Variants in SMYD4 observed in about 807,000 individuals in gnomAD.
SMYD4 encodes the protein protein-lysine N-methyltransferase SMYD4.
In SMYD4, 68 loss-of-function variants were observed where a neutral mutation model predicts 72.8. That is an observed-to-expected ratio of 0.93 (90% CI 0.77 to 1.14). The LOEUF (loss-of-function observed/expected upper bound fraction) is 1.14. Among genes scored for constraint, SMYD4 ranks in the 50% most tolerant of loss-of-function variants. The pLI, the probability that SMYD4 is intolerant of heterozygous loss-of-function variation, is 0.00. For synonymous variants in SMYD4, 407 were observed against 388.6 expected, an observed-to-expected ratio of 1.05 and a Z score of -0.56; for missense variants, 984 against 1,003.7, an observed-to-expected ratio of 0.98 and a Z score of 0.27.
At chr17:1,798,408 T>C (rs1241284531) in intron 5 of SMYD4, among the ~76,000 whole-genome samples, 1 of 152,140 alleles carries the variant, frequency 6.6e-6, no homozygotes, top group African/African-American at 2.4e-5. Context: ...AGGCCTTTTG[T>C]GTATGTACCT....
intron 4 of SMYD4, among the ~76,000 whole-genome samples, chr17:1,803,799 C>T (rs941746201): frequency 7.3e-5 from 11 of 151,530 alleles, no homozygotes; most frequent in Non-Finnish European, 1.5e-4. Context: ...ATGCCTGGCC[C>T]CATAGCTCTT....
chr17:1,811,346 T>C (rs940730605), intron 3 of SMYD4, among the ~76,000 whole-genome samples: 1 of 152,028 alleles, frequency 6.6e-6, no homozygotes, highest in African/African-American at 2.4e-5. Flanking sequence ...CAGGCTAATT[T>C]AAAAAAAATT....
At chr17:1,797,156 T>C (rs374444601) in intron 5 of SMYD4, among the ~76,000 whole-genome samples, 2 of 152,172 alleles carry the variant, frequency 1.3e-5, no homozygotes, top group East Asian at 1.9e-4. Context: ...GGCTGACAAA[T>C]TCTAGATGAC....
Position 1,829,820 on chromosome 17 carries a change from G to C in SMYD4, c.-107C>G, listed in dbSNP as rs1671133191. On this transcript the variant is annotated 5_prime_UTR_variant, in exon 1 of 11. Coordinates refer to ENST00000305513, the MANE Select transcript of SMYD4 (RefSeq NM_052928.3). ...TGGTCTCCCTCCCAGCGCCCGCGCA[G>C]CTCCTGGCGCGCCCCTTGGCGCCCC... 7.5e-6 allele frequency: 2 copies of C among 268,320 alleles called. No individual in the cohort carries two copies. The highest frequency in any genetic ancestry group is 1.7e-4 in the South Asian group (1 of 5,874). The allele number at this position is 268,320 out of a possible 1,614,324, so 16.6% of individuals were successfully genotyped here.
intron 2 of SMYD4, among the ~76,000 whole-genome samples, chr17:1,820,094 CA>C (rs1910817293): frequency 1.3e-5 from 2 of 151,964 alleles, no homozygotes; most frequent in Non-Finnish European, 2.9e-5. Flanking sequence ...GGCCAAAAGT[CA>C]ATTAAGAAAG....
intron 3 of SMYD4, among the ~76,000 whole-genome samples, chr17:1,807,945 C>T (rs1256671740): frequency 2.6e-5 from 4 of 152,112 alleles, no homozygotes; most frequent in African/African-American, 9.7e-5. Context: ...AGATTCCCTC[C>T]TCACAAATAA....
Position 1,798,841 on chromosome 17 carries a change from G to A in SMYD4, c.1537+1016C>T, listed in dbSNP as rs185745093. Among the ~76,000 whole-genome samples the A allele has an allele frequency of 2.6e-5, 4 of 152,024 alleles. No individual in the cohort carries two copies. The East Asian group carries it at 5.8e-4, about 22-fold the overall frequency. On this transcript the variant is annotated intron_variant, in intron 5 of 10. Transcript: ENST00000305513. ...TTGAACCTGGGAGGTGGAGGCTACA[G>A]TGAGCTGAGATTGCGCCACTGCACT...
At chr17:1,784,077 G>A (rs540030402) in intron 8 of SMYD4, among the ~76,000 whole-genome samples, 5 of 152,216 alleles carry the variant, frequency 3.3e-5, no homozygotes, top group Non-Finnish European at 5.9e-5. Context: ...GTTGGCAGGG[G>A]TACTTCAACT....
intron 2 of SMYD4, among the ~76,000 whole-genome samples, chr17:1,816,643 A>G (rs2151249635): frequency 6.6e-6 from 1 of 151,386 alleles, no homozygotes; most frequent in Admixed American, 6.6e-5. Flanking sequence ...ATTTTTTTTT[A>G]AGAGATGGAG....
intron 2 of SMYD4, among the ~76,000 whole-genome samples, chr17:1,826,741 T>C (rs1250594251): frequency 6.6e-6 from 1 of 152,206 alleles, no homozygotes; most frequent in East Asian, 1.9e-4. Context: ...TACGTCATTT[T>C]AAGCACTAAT....
At chr17:1,798,834 G>GGCTACAGTGAGCTGAGATT (rs1188052169) in intron 5 of SMYD4, among the ~76,000 whole-genome samples, 1 of 151,938 alleles carries the variant, frequency 6.6e-6, no homozygotes, top group African/African-American at 2.4e-5. Flanking sequence ...GGGAGGTGGA[G>GGCTACAGTGAGCTGAGATT]GCTACAGTGA....
intron 3 of SMYD4, among the ~76,000 whole-genome samples, chr17:1,807,776 G>T (rs546519943): frequency 6.6e-6 from 1 of 152,322 alleles, no homozygotes; most frequent in East Asian, 1.9e-4. Context: ...AAAACACGGT[G>T]TGTGTGCAGG....
In SMYD4 at chr17:1,784,480, T is replaced by C. The variant is rs1308982522; in HGVS notation, c.1885-19A>G. The C allele has an allele frequency of 1.2e-6, 2 of 1,613,668 alleles. No homozygotes were observed. The highest frequency in any genetic ancestry group is 1.7e-6 in the Non-Finnish European group (2 of 1,179,870). ...CATCTCCCTGTGGAAGTCAGTTTTC[T>C]CTTTATTCCAATGCCAGGGTCAGTT... On this transcript the variant is annotated intron_variant, in intron 7 of 10. Coordinates refer to ENST00000305513, the MANE Select transcript of SMYD4 (RefSeq NM_052928.3).
At chr17:1,808,734 C>T (rs1910172374) in intron 3 of SMYD4, among the ~76,000 whole-genome samples, 1 of 152,118 alleles carries the variant, frequency 6.6e-6, no homozygotes, top group African/African-American at 2.4e-5. Flanking sequence ...CCTTGAAGAA[C>T]TTCCCATGTG....
chr17:1,819,123 G>A (rs779506558), intron 2 of SMYD4, among the ~76,000 whole-genome samples: 74 of 151,956 alleles, frequency 4.9e-4, no homozygotes, highest in Non-Finnish European at 9.9e-4. Context: ...TAGGGAGGCC[G>A]AGGCAGGCGA....
At chr17:1,784,492 T>C (rs1908545632) in intron 7 of SMYD4, 31 bp from the exon 8 acceptor site, 1 of 1,613,162 alleles carries the variant, frequency 6.2e-7, no homozygotes. Context: ...TTTATTCCAA[T>C]GCCAGGGTCA....
chr17:1,783,485 G>T lies in SMYD4; in HGVS notation c.2021-9C>A. ...CCGCTGAACAGCTCGCTCTGTCAAT[G>T]CAGAGGAAAGACGTCTCACTATAGA... On this transcript the variant is annotated splice_polypyrimidine_tract_variant and intron_variant, in intron 8 of 10. Coordinates refer to ENST00000305513, the MANE Select transcript of SMYD4 (RefSeq NM_052928.3). 6.3e-7 allele frequency: 1 copy of T among 1,597,102 alleles called. No homozygotes were observed. Among genetic ancestry groups the T allele is most frequent in the Non-Finnish European group, 8.5e-7 (1 of 1,171,912 alleles).
At position 1,783,347 on chromosome 17, in the gene SMYD4, G is replaced by T. The variant is rs1319313870; in HGVS notation, c.2137+13C>A. The T allele has an allele frequency of 4.3e-6, 7 of 1,611,880 alleles. No homozygotes were observed. The highest frequency in any genetic ancestry group is 5.9e-6 in the Non-Finnish European group (7 of 1,179,948). On this transcript the variant is annotated intron_variant, in intron 9 of 10. Coordinates refer to ENST00000305513, the MANE Select transcript of SMYD4 (RefSeq NM_052928.3). ...ACTGTTCCCGACGCAGAACGTGAAG[G>T]CTCATGCTGTACCTAAGGCAGCACA... is the stretch of plus-strand genomic sequence containing the variant.
chr17:1,783,076 C>T lies in SMYD4; in HGVS notation c.2220G>A (p.Met740Ile), dbSNP rs961348082. 3.7e-6 allele frequency: 6 copies of T among 1,614,188 alleles called. No individual in the cohort carries two copies. The highest frequency in any genetic ancestry group is 5.1e-6 in the Non-Finnish European group (6 of 1,180,042). Residue 740 changes from methionine (M) to isoleucine (I), a missense_variant, in exon 10 of 11, where the codon ATG becomes ATA. Coordinates refer to ENST00000305513, the MANE Select transcript of SMYD4 (RefSeq NM_052928.3). ...GGGCCAATTTGAAGAGCTCATGGCC[C>T]ATTTCAACACTGGACGGCCCGTGGC... ...EVRHGPSSVE[M>I]GHELFKLAQI... is the part of the protein sequence containing the mutation.
Sources: allele counts gnomAD v4.1 joint callset (sites outside exome capture counted in the v4.1 genomes callset), GRCh38; gene constraint gnomAD v4.1.1; transcripts MANE v1.5; gene names NCBI Gene and HGNC (gene_info 2026-07-23, HGNC 2026-07-21).